The following LSM12 variants were observed in gnomAD, a reference collection of about 807,000 sequenced individuals.
LSM12 encodes the protein LSM12 homolog.
For missense variants in LSM12, 108 were observed against 238.9 expected, an observed-to-expected ratio of 0.45 and a Z score of 3.61; for synonymous variants, 74 against 87.3, an observed-to-expected ratio of 0.85 and a Z score of 0.85.
intron 2 of LSM12, among the ~76,000 whole-genome samples, chr17:44,044,662 T>C (rs1178677280): frequency 6.6e-6 from 1 of 152,200 alleles, no homozygotes; most frequent in Non-Finnish European, 1.5e-5. Flanking sequence ...GGGGTCCCCA[T>C]CAATGGGGGA....
chr17:44,052,813 G>A (rs1198433575), intron 2 of LSM12, among the ~76,000 whole-genome samples: 6 of 149,568 alleles, frequency 4.0e-5, no homozygotes, highest in East Asian at 1.9e-4. Context: ...TTATATAAAC[G>A]TATATTTTTA....
chr17:44,044,967 G>A (rs1169024374), intron 2 of LSM12, among the ~76,000 whole-genome samples: 1 of 152,194 alleles, frequency 6.6e-6, no homozygotes, highest in African/African-American at 2.4e-5. Flanking sequence ...GCTGCCCTCA[G>A]TAGAGAAAGT....
intron 2 of LSM12, among the ~76,000 whole-genome samples, chr17:44,055,396 T>C (rs1237158788): frequency 6.7e-6 from 1 of 149,984 alleles, no homozygotes. Context: ...GCACAGTGGC[T>C]CACACCTGTA....
chr17:44,056,504 C>T (rs1465813265), intron 2 of LSM12, among the ~76,000 whole-genome samples: 4 of 151,812 alleles, frequency 2.6e-5, no homozygotes, highest in Non-Finnish European at 5.9e-5. Flanking sequence ...CACCTGTAGT[C>T]CCAGCTACTC....
At chr17:44,059,183 CACACACACACAT>C (rs1373536572) in intron 2 of LSM12, among the ~76,000 whole-genome samples, 2 of 152,058 alleles carry the variant, frequency 1.3e-5, no homozygotes, top group African/African-American at 4.8e-5. Context: ...AAACAGAACA[CACACACACACAT>C]ACACACACAC....
chr17:44,047,653 C>T (rs2049587761), intron 2 of LSM12, among the ~76,000 whole-genome samples: 1 of 152,094 alleles, frequency 6.6e-6, no homozygotes, highest in Non-Finnish European at 1.5e-5. Context: ...GCCTTGACCT[C>T]CTTGGCTAAA....
At chr17:44,060,802 A>AT (rs1453159538) in intron 2 of LSM12, among the ~76,000 whole-genome samples, 3 of 152,192 alleles carry the variant, frequency 2.0e-5, no homozygotes, top group East Asian at 1.9e-4. Context: ...GAGGTCAAAC[A>AT]TAAGAAGAGA....
chr17:44,049,189 A>T (rs1197490721), intron 2 of LSM12, among the ~76,000 whole-genome samples: 2 of 151,886 alleles, frequency 1.3e-5, no homozygotes, highest in Non-Finnish European at 2.9e-5. Context: ...TCTGTCTTTA[A>T]AAAACAACAA....
chr17:44,038,399 C>T (rs905374033), intron 3 of LSM12, among the ~76,000 whole-genome samples: 2 of 151,640 alleles, frequency 1.3e-5, no homozygotes, highest in African/African-American at 4.8e-5. Flanking sequence ...GTGGCTCACG[C>T]CTGTAATCCC....
intron 2 of LSM12, among the ~76,000 whole-genome samples, chr17:44,047,403 C>T (rs557422590): frequency 6.6e-6 from 1 of 151,908 alleles, no homozygotes; most frequent in Non-Finnish European, 1.5e-5. Flanking sequence ...CACACCACCA[C>T]GCCCAGCTAA....
intron 2 of LSM12, among the ~76,000 whole-genome samples, chr17:44,043,431 C>A (rs1438300304): frequency 1.3e-5 from 2 of 152,084 alleles, no homozygotes; most frequent in Non-Finnish European, 2.9e-5. Flanking sequence ...GCAATCCCAA[C>A]TGTAACAAGA....
chr17:44,052,791 T>A (rs998489281), intron 2 of LSM12, among the ~76,000 whole-genome samples: 8 of 149,944 alleles, frequency 5.3e-5, no homozygotes, highest in African/African-American at 1.9e-4. Flanking sequence ...AAATAAATAA[T>A]CTATTTATAT....
intron 2 of LSM12, among the ~76,000 whole-genome samples, chr17:44,044,492 C>T (rs1325894252): frequency 6.6e-6 from 1 of 152,180 alleles, no homozygotes; most frequent in Non-Finnish European, 1.5e-5. Context: ...GAAAAGTCAG[C>T]AGAAATGACT....
Position 44,037,383 on chromosome 17 carries a change from C to T in LSM12, c.495+29G>A. ...AAGGCCTGAGGAACCATCCTCTCTC[C>T]CCTAAAGTCTGAAGGCTCCTTTACT... On this transcript the variant is annotated intron_variant, in intron 4 of 4. Coordinates refer to ENST00000293406, the MANE Select transcript of LSM12 (RefSeq NM_001371445.1). The T allele has an allele frequency of 2.6e-6, 4 of 1,561,090 alleles. No individual in the cohort carries two copies. The Admixed American group carries it at 5.9e-5, about 23-fold the overall frequency.
chr17:44,059,530 C>A (rs2049767778), intron 2 of LSM12, among the ~76,000 whole-genome samples: 1 of 152,002 alleles, frequency 6.6e-6, no homozygotes, highest in Non-Finnish European at 1.5e-5. Context: ...TCACACCGGG[C>A]AATGGACTGA....
At chr17:44,066,729 G>T (rs1284813039), upstream of LSM12, 1 of 1,094,132 alleles carries the variant, frequency 9.1e-7, no homozygotes, top group Non-Finnish European at 1.2e-6. Context: ...GGTTGGGGCG[G>T]GATCCTAGGT....
intron 2 of LSM12, among the ~76,000 whole-genome samples, chr17:44,041,285 AAACAAACACACAC>A (rs1263286862): frequency 9.6e-6 from 1 of 104,304 alleles, no homozygotes; most frequent in Admixed American, 1.1e-4. Flanking sequence ...AAAAAAAAAA[AAACAAACACACAC>A]ACACACACAC....
At chr17:44,051,295 G>A (rs2049639821) in intron 2 of LSM12, among the ~76,000 whole-genome samples, 1 of 151,130 alleles carries the variant, frequency 6.6e-6, no homozygotes, top group Non-Finnish European at 1.5e-5. Context: ...TACTGCTGAG[G>A]CAGGAGAATC....
chr17:44,054,080 A>C (rs1343028071), intron 2 of LSM12, among the ~76,000 whole-genome samples: 1 of 152,138 alleles, frequency 6.6e-6, no homozygotes, highest in Non-Finnish European at 1.5e-5. Flanking sequence ...TCTTTTCAGG[A>C]GGACAACAAT....
Sources: gnomAD v4.1 joint callset for allele counts (sites outside exome capture counted in the v4.1 genomes callset) on GRCh38, gnomAD v4.1.1 for gene constraint, MANE v1.5 for transcripts, NCBI Gene and HGNC (gene_info 2026-07-23, HGNC 2026-07-21) for gene names.